The following TNNI1 variants were observed in gnomAD, a reference collection of about 807,000 sequenced individuals.
The protein encoded by TNNI1 is troponin I, slow skeletal muscle.
A neutral mutation model predicts 26.7 loss-of-function variants in TNNI1; 14 were observed. That is an observed-to-expected ratio of 0.52 (90% CI 0.35 to 0.82). The LOEUF is 0.82. Ranked by LOEUF, TNNI1 falls within the 40% of genes least tolerant of loss-of-function variation. TNNI1 has a pLI of 0.01. For missense variants in TNNI1, 164 were observed against 257.0 expected, an observed-to-expected ratio of 0.64 and a Z score of 2.47; for synonymous variants, 79 against 98.2, an observed-to-expected ratio of 0.80 and a Z score of 1.16.
intron 5 of TNNI1, among the ~76,000 whole-genome samples, chr1:201,414,007 T>G (rs908937989): frequency 3.3e-5 from 5 of 152,220 alleles, no homozygotes; most frequent in Admixed American, 1.3e-4. Flanking sequence ...TTTTAGACAT[T>G]TTGAAAACTA....
intron 7 of TNNI1, 88 bp from the exon 8 acceptor site, chr1:201,410,523 C>T: frequency 2.6e-6 from 3 of 1,148,968 alleles, no homozygotes; most frequent in South Asian, 2.6e-5. Flanking sequence ...AAACCAGTCT[C>T]CTCGGATGAT....
rs939920588 is a variant in TNNI1 at position 201,407,530 on chromosome 1, A to G, written c.*1723T>C. ...GACCATGCCCTGGGGAGCAGCTGGC[A>G]CTGCACTTTGTACCAATTTCTGGCA... On this transcript the variant is annotated 3_prime_UTR_variant, in exon 9 of 9. Transcript: ENST00000361379. 1 of 152,264 alleles carries G rather than the reference A, an allele frequency of 6.6e-6. No homozygotes were observed. Among genetic ancestry groups the G allele is most frequent in the African/African-American group, 2.4e-5 (1 of 41,446 alleles). The allele number at this position is 152,264 out of a possible 1,614,324, so 9.4% of individuals were successfully genotyped here.
chr1:201,411,711 G>T lies in TNNI1; in HGVS notation c.280-178C>A, dbSNP rs1463537699. ...GTCACCAGGGACCGGTTTTGTGGAAGACACTTTTTCCACGGAGAGGTGGTG... is the reference window on the plus strand; with the variant it reads ...GTCACCAGGGACCGGTTTTGTGGAATACACTTTTTCCACGGAGAGGTGGTG... On this transcript the variant is annotated intron_variant, in intron 6 of 8. Transcript: ENST00000361379. This position sits in a 1 kb window ranked among gnomAD's most constrained non-coding sequence, Gnocchi z 4.6. Among the ~76,000 whole-genome samples the T allele has an allele frequency of 1.3e-5, 2 of 152,200 alleles. No homozygotes were observed. Among genetic ancestry groups the T allele is most frequent in the Non-Finnish European group, 2.9e-5 (2 of 68,032 alleles).
rs935156043 is a variant in TNNI1 at position 201,405,135 on chromosome 1, C to G, written c.*4118G>C. 6.6e-6 allele frequency: 1 copy of G among 152,330 alleles called. No homozygotes were observed. The highest frequency in any genetic ancestry group is 1.5e-5 in the Non-Finnish European group (1 of 68,070). 9.4% of individuals were successfully genotyped at this position (152,330 alleles called of 1,614,324 possible). A position where few individuals can be genotyped will look rare whatever the true frequency, so the allele number is the denominator to read the frequency against. The stretch of plus-strand genomic sequence containing the variant: ...TCTGGCCAGGAGACCAAAGCCCTGT[C>G]CACATCCAATTTCCTCAGACTGGGA... On this transcript the variant is annotated 3_prime_UTR_variant, in exon 9 of 9. Transcript: ENST00000361379.
rs1451137206 is a variant in TNNI1, at chr1:201,411,519, C to T, written c.294G>A (p.Lys98=). 1.9e-5 allele frequency: 31 copies of T among 1,602,498 alleles called. No homozygotes were observed. The highest frequency in any genetic ancestry group is 2.5e-5 in the Non-Finnish European group (29 of 1,175,476). Residue 98 remains lysine (K), a synonymous_variant, in exon 7 of 9, where the codon AAG becomes AAA. Transcript: ENST00000361379. The surrounding 1 kb of genome is among the most constrained non-coding windows in gnomAD (Gnocchi z 4.6). ...LHNTREIKDL[K]LKVMDLRGKF... The stretch of plus-strand genomic sequence containing the variant: ...TCCCACGGAGGTCCATCACCTTCAG[C>T]TTCAGGTCCTTAATCTGTAGGTGAG...
Position 201,404,453 on chromosome 1 carries a change from C to T in TNNI1, c.*4800G>A, listed in dbSNP as rs191950319. On this transcript the variant is annotated 3_prime_UTR_variant, in exon 9 of 9. Coordinates refer to ENST00000361379, the MANE Select transcript of TNNI1 (RefSeq NM_003281.4). The stretch of plus-strand genomic sequence containing the variant: ...CCAGGGCAGTAAGCTCCCTGGCTTT[C>T]GGTTTTTACAAACTAATAATATTGT... The T allele has an allele frequency of 1.1e-4, 16 of 152,266 alleles. No individual in the cohort carries two copies. In the East Asian group the frequency reaches 2.7e-3, roughly 26 times the overall value. The allele number at this position is 152,266 out of a possible 1,614,324, so 9.4% of individuals were successfully genotyped here. A position where few individuals can be genotyped will look rare whatever the true frequency, so the allele number is the denominator to read the frequency against.
At chr1:201,414,713 G>A in intron 4 of TNNI1, 64 bp from the exon 5 acceptor site, 1 of 1,585,616 alleles carries the variant, frequency 6.3e-7, no homozygotes, top group Admixed American at 1.7e-5. Flanking sequence ...AGGGAATGAG[G>A]GGAGGGCAGC....
chr1:201,417,097 T>C lies in TNNI1; in HGVS notation c.15+19A>G. ...TCGTTAGAGTTAACCAAGACAGAGA[T>C]ACCCCAAATATCACTTACCTCGCTT... On this transcript the variant is annotated intron_variant, in intron 3 of 8. Transcript: ENST00000361379. 3 of 1,614,066 alleles carry C rather than the reference T, an allele frequency of 1.9e-6. No individual in the cohort carries two copies. Among genetic ancestry groups the C allele is most frequent in the Non-Finnish European group, 2.5e-6 (3 of 1,180,006 alleles).
chr1:201,420,247 C>T (rs1470563110), intron 1 of TNNI1, among the ~76,000 whole-genome samples: 12 of 152,248 alleles, frequency 7.9e-5, no homozygotes, highest in African/African-American at 1.4e-4. Flanking sequence ...AGGGGTCCCA[C>T]GTCAGGCAAG....
rs567141509 is a variant in TNNI1 at position 201,411,150 on chromosome 1, G to A, written c.456+207C>T. Among the ~76,000 whole-genome samples the A allele has an allele frequency of 4.6e-5, 7 of 152,230 alleles. No homozygotes were observed. The highest frequency in any genetic ancestry group is 4.1e-4 in the South Asian group (2 of 4,822). On this transcript the variant is annotated intron_variant, in intron 7 of 8. Transcript: ENST00000361379. This position sits in a 1 kb window ranked among gnomAD's most constrained non-coding sequence, Gnocchi z 4.6. ...GCTTTCTTTATGTCCTAGTTTCTTC[G>A]TCAGACTGGGAACAGCCTGAAGGAA...
rs1250506952 is a variant in TNNI1, at chr1:201,417,848, TGGAAACCCCTGCCCCTGCCCAGCTG to T, written c.-19-61_-19-37del. 103 of 1,307,504 alleles carry T rather than the reference TGGAAACCCCTGCCCCTGCCCAGCTG, an allele frequency of 7.9e-5. 4 individuals carry two copies. In the East Asian group the frequency reaches 1.0e-3, roughly 13 times the overall value. The allele number at this position is 1,307,504 out of a possible 1,614,324, so 81.0% of individuals were successfully genotyped here. ...CAGAGGAATCATTCATAAGGGAAAGTGGAAACCCCTGCCCCTGCCCAGCTGGGCCTTGGGAGCCCAGCCTAGGAGA... is the reference window on the plus strand; with the variant it reads ...CAGAGGAATCATTCATAAGGGAAAGTGGCCTTGGGAGCCCAGCCTAGGAGA... On this transcript the variant is annotated intron_variant, in intron 1 of 8. Transcript: ENST00000361379.
chr1:201,418,915 T>C (rs116302201), intron 1 of TNNI1, among the ~76,000 whole-genome samples: 2,190 of 152,230 alleles, frequency 0.014, 50 homozygotes, highest in African/African-American at 0.049. Flanking sequence ...CAAATCTTAC[T>C]TGGAAGTAAA....
intron 1 of TNNI1, among the ~76,000 whole-genome samples, chr1:201,418,314 C>T (rs1044965052): frequency 2.0e-5 from 3 of 151,784 alleles, no homozygotes; most frequent in Admixed American, 6.6e-5. Context: ...ACTAATGATA[C>T]AAAAATTAGC....
chr1:201,420,273 C>T (rs1662830360), intron 1 of TNNI1, among the ~76,000 whole-genome samples: 1 of 152,236 alleles, frequency 6.6e-6, no homozygotes, highest in Admixed American at 6.5e-5. Flanking sequence ...TCAGCCTGTG[C>T]TCTGACACCC....
intron 5 of TNNI1, 44 bp from the exon 6 acceptor site, chr1:201,413,165 A>G: frequency 1.2e-6 from 2 of 1,607,216 alleles, no homozygotes; most frequent in Non-Finnish European, 1.7e-6. Flanking sequence ...GAAGAGGGGA[A>G]CAGAGACATC....
In TNNI1 at chr1:201,410,319, T is replaced by C; in HGVS notation, c.*2+7A>G. ...GACCCCAGAGAAGGGAGCTGGTCTC[T>C]AGGTACCTCTATTGTGAGGTCGGAG... On this transcript the variant is annotated splice_region_variant and intron_variant, in intron 8 of 8. Transcript: ENST00000361379. 1 of 1,612,704 alleles carries C rather than the reference T, an allele frequency of 6.2e-7. No homozygotes were observed. The highest frequency in any genetic ancestry group is 8.5e-7 in the Non-Finnish European group (1 of 1,178,734).
At chr1:201,416,812 A>G (rs1307196147) in intron 3 of TNNI1, among the ~76,000 whole-genome samples, 1 of 152,216 alleles carries the variant, frequency 6.6e-6, no homozygotes, top group Non-Finnish European at 1.5e-5. Context: ...AGAGTGGGTG[A>G]GGAAGAGCTT....
In TNNI1 at chr1:201,404,958, G is replaced by A. The variant is rs890686827; in HGVS notation, c.*4295C>T. On this transcript the variant is annotated 3_prime_UTR_variant, in exon 9 of 9. Transcript: ENST00000361379. Reference sequence around the variant, plus strand: ...ACACCTCCCCTGACTGCCAGGCAAAGCCATACCTCTCTCCTGAACCCAGGG... The same window carrying A: ...ACACCTCCCCTGACTGCCAGGCAAAACCATACCTCTCTCCTGAACCCAGGG... 2.0e-5 allele frequency: 3 copies of A among 152,402 alleles called. No individual in the cohort carries two copies. Among genetic ancestry groups the A allele is most frequent in the African/African-American group, 7.2e-5 (3 of 41,470 alleles). 9.4% of individuals were successfully genotyped at this position (152,402 alleles called of 1,614,324 possible). A position where few individuals can be genotyped will look rare whatever the true frequency, so the allele number is the denominator to read the frequency against.
rs1662515931 is a variant in TNNI1, at chr1:201,406,433, A to G, written c.*2820T>C. The G allele has an allele frequency of 6.6e-6, 1 of 152,266 alleles. No individual in the cohort carries two copies. The highest frequency in any genetic ancestry group is 2.1e-4 in the South Asian group (1 of 4,832). 9.4% of individuals were successfully genotyped at this position (152,266 alleles called of 1,614,324 possible). ...ACCACCACTTATTAGCTGTGTGATC[A>G]TGAAAAGTCCCTAACCTCTCTGTGC... is the stretch of plus-strand genomic sequence containing the variant. On this transcript the variant is annotated 3_prime_UTR_variant, in exon 9 of 9. Coordinates refer to ENST00000361379, the MANE Select transcript of TNNI1 (RefSeq NM_003281.4).
Sources: gnomAD v4.1 joint callset for allele counts (sites outside exome capture counted in the v4.1 genomes callset) on GRCh38, gnomAD v4.1.1 for gene constraint, Gnocchi (gnomAD v3.1) non-coding constraint, MANE v1.5 for transcripts, NCBI Gene and HGNC (gene_info 2026-07-23, HGNC 2026-07-21) for gene names.